Variants in TAS2R40 observed in about 807,000 individuals in gnomAD.
The protein encoded by TAS2R40 is taste receptor type 2 member 40.
TAS2R40 carries 14 observed loss-of-function variants against 16.5 expected under a neutral mutation model. The ratio of observed to expected loss-of-function variants is 0.85; its 90% confidence interval spans 0.56 to 1.32. The LOEUF (loss-of-function observed/expected upper bound fraction) is 1.32. Ranked by LOEUF, TAS2R40 falls within the 40% of genes most tolerant of loss-of-function variation. The pLI, the probability that TAS2R40 is intolerant of heterozygous loss-of-function variation, is 0.00. For missense variants in TAS2R40, 350 were observed against 385.9 expected (o/e 0.91, Z 0.78); for synonymous variants, 152 against 150.2 (o/e 1.01, Z -0.09).
chr7:143,222,122 A>G lies in TAS2R40; in HGVS notation c.44A>G (p.Lys15Arg). The change falls in exon 1 of 1, where the codon AAG becomes AGG. Residue 15 changes from lysine to arginine, a missense_variant. Transcript: ENST00000408947. ...NTDATDKDIS[K>R]FKVTFTLVVS... ...GATGCCACAGATAAAGACATATCCA[A>G]GTTCAAGGTCACCTTCACTTTGGTG... 1 of 1,614,102 alleles carries G rather than the reference A, an allele frequency of 6.2e-7. No homozygotes were observed. The highest frequency in any genetic ancestry group is 8.5e-7 in the Non-Finnish European group (1 of 1,179,978).
rs137889378 is a variant in TAS2R40, at chr7:143,223,045, C to T, written c.967C>T (p.Leu323=). The T allele has an allele frequency of 1.3e-6, 2 of 1,599,202 alleles. No homozygotes were observed. The highest frequency in any genetic ancestry group is 1.7e-6 in the Non-Finnish European group (2 of 1,172,088). ...TCCTCTTTACCTAAAAGGGCAGACT[C>T]TGTGACTGGAACTCACGGAGTTCTG... ...QVPLYLKGQT[L] is the part of the protein sequence containing the mutation. The change falls in exon 1 of 1, where the codon CTG becomes TTG. Residue 323 remains leucine, a synonymous_variant. Transcript: ENST00000408947.
chr7:143,222,280 C>A lies in TAS2R40; in HGVS notation c.202C>A (p.Leu68Ile). ...RIMLMLSFSR[L>I]LLQIWMMLEN... Reference sequence around the variant, plus strand: ...TATGTTGATGCTGAGCTTTTCCAGGCTCTTGCTACAGATTTGGATGATGCT... The same window carrying A: ...TATGTTGATGCTGAGCTTTTCCAGGATCTTGCTACAGATTTGGATGATGCT... Residue 68 changes from leucine to isoleucine, a missense_variant, in exon 1 of 1, where the codon CTC becomes ATC. By Grantham distance (5) the Leu-to-Ile change is conservative. Coordinates refer to ENST00000408947, the MANE Select transcript of TAS2R40 (RefSeq NM_176882.2). 1 of 1,614,160 alleles carries A rather than the reference C, an allele frequency of 6.2e-7. No individual in the cohort carries two copies. Among genetic ancestry groups the A allele is most frequent in the Non-Finnish European group, 8.5e-7 (1 of 1,180,018 alleles).
At position 143,222,604 on chromosome 7, in the gene TAS2R40, C is replaced by T. The variant is rs781240146; in HGVS notation, c.526C>T (p.Pro176Ser). 6.2e-7 allele frequency: 1 copy of T among 1,614,098 alleles called. No individual in the cohort carries two copies. The highest frequency in any genetic ancestry group is 1.1e-5 in the South Asian group (1 of 91,084). ...GTATGTGAATAGCTCCATTCCTATC[C>T]CCTCCTCCAACTCCACGGAGAAGAA... ...NVYVNSSIPI[P>S]SSNSTEKKYF... is the part of the protein sequence containing the mutation. Residue 176 changes from proline to serine, a missense_variant, in exon 1 of 1, where the codon CCC becomes TCC. Pro to Ser is a moderately conservative substitution (Grantham distance 74, BLOSUM62 -1). Coordinates refer to ENST00000408947, the MANE Select transcript of TAS2R40 (RefSeq NM_176882.2).
chr7:143,222,646 A>C lies in TAS2R40; in HGVS notation c.568A>C (p.Asn190His), dbSNP rs1160805505. Residue 190 changes from asparagine (N) to histidine (H), a missense_variant, in exon 1 of 1, where the codon AAT becomes CAT. Physicochemically the swap from Asn to His is moderately conservative, Grantham distance 68. Coordinates refer to ENST00000408947, the MANE Select transcript of TAS2R40 (RefSeq NM_176882.2). Reference sequence around the variant, plus strand: ...GGAGAAGAAGTACTTCTCTGAGACCAATATGGTCAACCTGGTATTTTTCTA... The same window carrying C: ...GGAGAAGAAGTACTTCTCTGAGACCCATATGGTCAACCTGGTATTTTTCTA... ...STEKKYFSET[N>H]MVNLVFFYNM... 9.3e-6 allele frequency: 15 copies of C among 1,614,082 alleles called. No homozygotes were observed. The highest frequency in any genetic ancestry group is 1.2e-5 in the Non-Finnish European group (14 of 1,180,006).
rs1392278690 is a variant in TAS2R40, at chr7:143,222,953, A to C, written c.875A>C (p.His292Pro). 2.5e-6 allele frequency: 4 copies of C among 1,614,172 alleles called. No individual in the cohort carries two copies. The highest frequency in any genetic ancestry group is 3.4e-6 in the Non-Finnish European group (4 of 1,180,030). ...ATCATGGCTGCCTACCCTGCCGGCCACTCAGTACAACTGATCTTGGGCAAC... is the reference window on the plus strand; with the variant it reads ...ATCATGGCTGCCTACCCTGCCGGCCCCTCAGTACAACTGATCTTGGGCAAC... ...KIIMAAYPAG[H>P]SVQLILGNPG... The change falls in exon 1 of 1, where the codon CAC (histidine) becomes CCC (proline). Residue 292 changes from histidine to proline, a missense_variant. Physicochemically the swap from His to Pro is moderately conservative, Grantham distance 77. Transcript: ENST00000408947.
In TAS2R40 at chr7:143,222,484, A is replaced by G. The variant is rs866945851; in HGVS notation, c.406A>G (p.Arg136Gly). The G allele has an allele frequency of 1.2e-6, 2 of 1,614,078 alleles. No individual in the cohort carries two copies. The highest frequency in any genetic ancestry group is 2.7e-5 in the African/African-American group (2 of 74,934). ...FNHPLFFLMKRKIIVLMPWLL... is the reference protein window; with the variant it reads ...FNHPLFFLMKGKIIVLMPWLL... Reference sequence around the variant, plus strand: ...TCATCCTTTGTTCTTCCTGATGAAGAGGAAAATCATAGTGCTGATGCCTTG... The same window carrying G: ...TCATCCTTTGTTCTTCCTGATGAAGGGGAAAATCATAGTGCTGATGCCTTG... Residue 136 changes from arginine to glycine, a missense_variant, in exon 1 of 1, where the codon AGG becomes GGG. Arg to Gly is a moderately radical substitution (Grantham distance 125, BLOSUM62 -2). Transcript: ENST00000408947.
Position 143,222,169 on chromosome 7 carries a change from A to G in TAS2R40, c.91A>G (p.Thr31Ala). 1 of 1,614,154 alleles carries G rather than the reference A, an allele frequency of 6.2e-7. No individual in the cohort carries two copies. Among genetic ancestry groups the G allele is most frequent in the Non-Finnish European group, 8.5e-7 (1 of 1,180,020 alleles). Residue 31 changes from threonine (T) to alanine (A), a missense_variant, in exon 1 of 1, where the codon ACT becomes GCT. Transcript: ENST00000408947. ...GGTGGTCTCCGGAATAGAGTGCATC[A>G]CTGGCATCCTTGGGAGTGGCTTCAT... ...TLVVSGIECI[T>A]GILGSGFITA...
In TAS2R40 at chr7:143,222,681, G is replaced by GA; in HGVS notation, c.604dup (p.Ile202AsnfsTer71). On this transcript the variant is annotated frameshift_variant, in exon 1 of 1. Transcript: ENST00000408947. LOFTEE classifies it high-confidence loss of function. The stretch of plus-strand genomic sequence containing the variant: ...ACCTGGTATTTTTCTATAACATGGG[G>GA]ATCTTCGTTCCTCTGATCATGTTCA... 1 of 1,614,086 alleles carries GA rather than the reference G, an allele frequency of 6.2e-7. No homozygotes were observed.
At position 143,222,698 on chromosome 7, in the gene TAS2R40, T is replaced by A. The variant is rs973319650; in HGVS notation, c.620T>A (p.Ile207Asn). The change falls in exon 1 of 1, where the codon ATC (isoleucine) becomes AAC (asparagine). Residue 207 changes from isoleucine to asparagine, a missense_variant. Physicochemically the swap from Ile to Asn is moderately radical, Grantham distance 149. Transcript: ENST00000408947. ...FYNMGIFVPL[I>N]MFILAATLLI... is the part of the protein sequence containing the mutation. ...AACATGGGGATCTTCGTTCCTCTGATCATGTTCATCCTGGCAGCCACCCTG... is the reference window on the plus strand; with the variant it reads ...AACATGGGGATCTTCGTTCCTCTGAACATGTTCATCCTGGCAGCCACCCTG... 1.2e-6 allele frequency: 2 copies of A among 1,614,000 alleles called. No individual in the cohort carries two copies. Among genetic ancestry groups the A allele is most frequent in the Non-Finnish European group, 1.7e-6 (2 of 1,180,028 alleles).
rs2116642413 is a variant in TAS2R40 at position 143,222,751 on chromosome 7, C to T, written c.673C>T (p.Leu225=). The T allele has an allele frequency of 1.2e-6, 2 of 1,614,142 alleles. No homozygotes were observed. The highest frequency in any genetic ancestry group is 4.5e-5 in the East Asian group (2 of 44,886). ...LLILSLKRHT[L]HMGSNATGSR... is the part of the protein sequence containing the mutation. ...GATCCTCTCTCTCAAGAGACACACC[C>T]TACACATGGGAAGCAATGCCACAGG... The change falls in exon 1 of 1, where the codon CTA becomes TTA. Residue 225 remains leucine, a synonymous_variant. Transcript: ENST00000408947.
chr7:143,222,859 A>T lies in TAS2R40; in HGVS notation c.781A>T (p.Ile261Phe). 6.2e-7 allele frequency: 1 copy of T among 1,614,140 alleles called. No homozygotes were observed. The highest frequency in any genetic ancestry group is 1.1e-5 in the South Asian group (1 of 91,084). ...TCTCATCCTCTACATTTTCAATGCA[A>T]TTGCTCTATTTCTTTCCACGTCCAA... ...YFLILYIFNAIALFLSTSNIF... is the reference protein window; with the variant it reads ...YFLILYIFNAFALFLSTSNIF... Residue 261 changes from isoleucine (I) to phenylalanine (F), a missense_variant, in exon 1 of 1, where the codon ATT (isoleucine) becomes TTT (phenylalanine). Physicochemically the swap from Ile to Phe is conservative, Grantham distance 21. Transcript: ENST00000408947.
Position 143,222,457 on chromosome 7 carries a change from A to C in TAS2R40, c.379A>C (p.Asn127His). The change falls in exon 1 of 1, where the codon AAT (asparagine) becomes CAT (histidine). Residue 127 changes from asparagine (N) to histidine (H), a missense_variant. Physicochemically the swap from Asn to His is moderately conservative, Grantham distance 68. Coordinates refer to ENST00000408947, the MANE Select transcript of TAS2R40 (RefSeq NM_176882.2). The part of the protein sequence containing the change: ...VFYCLRIANF[N>H]HPLFFLMKRK... The stretch of plus-strand genomic sequence containing the variant: ...CTATTGTCTTAGAATTGCAAACTTC[A>C]ATCATCCTTTGTTCTTCCTGATGAA... 1 of 1,614,222 alleles carries C rather than the reference A, an allele frequency of 6.2e-7. No individual in the cohort carries two copies. Among genetic ancestry groups the C allele is most frequent in the Non-Finnish European group, 8.5e-7 (1 of 1,180,044 alleles).
Position 143,222,100 on chromosome 7 carries a change from G to A in TAS2R40, c.22G>A (p.Ala8Thr). The A allele has an allele frequency of 1.9e-6, 3 of 1,612,936 alleles. No homozygotes were observed. Among genetic ancestry groups the A allele is most frequent in the Non-Finnish European group, 2.5e-6 (3 of 1,179,190 alleles). Residue 8 changes from alanine to threonine, a missense_variant, in exon 1 of 1, where the codon GCC becomes ACC. Coordinates refer to ENST00000408947, the MANE Select transcript of TAS2R40 (RefSeq NM_176882.2). The stretch of plus-strand genomic sequence containing the variant: ...GAGAATGGCAACGGTGAACACAGAT[G>A]CCACAGATAAAGACATATCCAAGTT... MATVNTD[A>T]TDKDISKFKV...
At position 143,222,922 on chromosome 7, in the gene TAS2R40, A is replaced by G; in HGVS notation, c.844A>G (p.Lys282Glu). The G allele has an allele frequency of 1.2e-6, 2 of 1,614,198 alleles. No homozygotes were observed. The highest frequency in any genetic ancestry group is 1.7e-6 in the Non-Finnish European group (2 of 1,180,026). ...TTACAGTTCCTGGAATATTTTGTGC[A>G]AGATCATCATGGCTGCCTACCCTGC... ...DTYSSWNILC[K>E]IIMAAYPAGH... The change falls in exon 1 of 1, where the codon AAG becomes GAG. Residue 282 changes from lysine (K) to glutamate (E), a missense_variant. Transcript: ENST00000408947.
In TAS2R40 at chr7:143,222,685, T is replaced by G; in HGVS notation, c.607T>G (p.Phe203Val). The change falls in exon 1 of 1, where the codon TTC (phenylalanine) becomes GTC (valine). Residue 203 changes from phenylalanine (F) to valine (V), a missense_variant. Phe to Val is a conservative substitution (Grantham distance 50, BLOSUM62 -1). Coordinates refer to ENST00000408947, the MANE Select transcript of TAS2R40 (RefSeq NM_176882.2). ...GGTATTTTTCTATAACATGGGGATC[T>G]TCGTTCCTCTGATCATGTTCATCCT... ...NLVFFYNMGI[F>V]VPLIMFILAA... is the part of the protein sequence containing the mutation. 1 of 1,614,126 alleles carries G rather than the reference T, an allele frequency of 6.2e-7. No homozygotes were observed. Among genetic ancestry groups the G allele is most frequent in the Non-Finnish European group, 8.5e-7 (1 of 1,180,024 alleles).
In TAS2R40 at chr7:143,222,167, T is replaced by C. The variant is rs2116641338; in HGVS notation, c.89T>C (p.Ile30Thr). Residue 30 changes from isoleucine (I) to threonine (T), a missense_variant, in exon 1 of 1, where the codon ATC becomes ACC. Transcript: ENST00000408947. The stretch of plus-strand genomic sequence containing the variant: ...TTGGTGGTCTCCGGAATAGAGTGCA[T>C]CACTGGCATCCTTGGGAGTGGCTTC... ...FTLVVSGIEC[I>T]TGILGSGFIT... 6.2e-7 allele frequency: 1 copy of C among 1,614,108 alleles called. No homozygotes were observed. The highest frequency in any genetic ancestry group is 2.2e-5 in the East Asian group (1 of 44,874).
At position 143,222,239 on chromosome 7, in the gene TAS2R40, C is replaced by G; in HGVS notation, c.161C>G (p.Pro54Arg). The G allele has an allele frequency of 1.2e-6, 2 of 1,614,152 alleles. No individual in the cohort carries two copies. Among genetic ancestry groups the G allele is most frequent in the South Asian group, 2.2e-5 (2 of 91,086 alleles). The change falls in exon 1 of 1, where the codon CCC becomes CGC. Residue 54 changes from proline (P) to arginine (R), a missense_variant. Transcript: ENST00000408947. Reference protein sequence around the residue: ...GAEWARGKTLPTGDRIMLMLS... With the variant: ...GAEWARGKTLRTGDRIMLMLS... ...GAGTGGGCCAGGGGCAAAACACTCC[C>G]CACTGGTGACCGCATTATGTTGATG...
rs537249881 is a variant in TAS2R40, at chr7:143,222,217, T to C, written c.139T>C (p.Trp47Arg). The change falls in exon 1 of 1, where the codon TGG (tryptophan) becomes CGG (arginine). Residue 47 changes from tryptophan to arginine, a missense_variant. Physicochemically the swap from Trp to Arg is moderately radical, Grantham distance 101. Transcript: ENST00000408947. ...CATCACGGCCATCTATGGGGCTGAG[T>C]GGGCCAGGGGCAAAACACTCCCCAC... Reference protein sequence around the residue: ...GFITAIYGAEWARGKTLPTGD... With the variant: ...GFITAIYGAERARGKTLPTGD... 1.2e-6 allele frequency: 2 copies of C among 1,613,982 alleles called. No homozygotes were observed. Among genetic ancestry groups the C allele is most frequent in the South Asian group, 1.1e-5 (1 of 91,080 alleles).
At position 143,222,218 on chromosome 7, in the gene TAS2R40, G is replaced by A. The variant is rs1038672549; in HGVS notation, c.140G>A (p.Trp47Ter). 1.2e-6 allele frequency: 2 copies of A among 1,613,886 alleles called. No individual in the cohort carries two copies. Among genetic ancestry groups the A allele is most frequent in the East Asian group, 2.2e-5 (1 of 44,896 alleles). ...ATCACGGCCATCTATGGGGCTGAGT[G>A]GGCCAGGGGCAAAACACTCCCCACT... is the stretch of plus-strand genomic sequence containing the variant. ...GFITAIYGAE[W>*]ARGKTLPTGD... Residue 47 changes from tryptophan (W) to a stop codon, truncating the protein, a stop_gained, in exon 1 of 1, where the codon TGG becomes TAG. Coordinates refer to ENST00000408947, the MANE Select transcript of TAS2R40 (RefSeq NM_176882.2). LOFTEE classifies it high-confidence loss of function.
Sources: allele counts gnomAD v4.1 joint callset, GRCh38; gene constraint gnomAD v4.1.1; transcripts MANE v1.5; gene names NCBI Gene and HGNC (gene_info 2026-07-23, HGNC 2026-07-21).